The following SASH1 variants were observed in gnomAD, a reference collection of about 807,000 sequenced individuals.
SASH1 encodes the protein SAM and SH3 domain containing 1.
A neutral mutation model predicts 125.2 loss-of-function variants in SASH1; 44 were observed. The observed-to-expected ratio is 0.35, with a 90% confidence interval of 0.28 to 0.45. SASH1 has a LOEUF of 0.45. Among genes scored for constraint, SASH1 ranks in the 20% least tolerant of loss-of-function variants. The pLI, the probability that SASH1 is intolerant of heterozygous loss-of-function variation, is 1.00. For synonymous variants in SASH1, 639 were observed against 649.1 expected, an observed-to-expected ratio of 0.98 and a Z score of 0.24; for missense variants, 1,426 against 1,614.5, an observed-to-expected ratio of 0.88 and a Z score of 2.00.
chr6:148,278,097 G>T (rs956786205), intron 1 of SASH1, among the ~76,000 whole-genome samples: 4 of 151,204 alleles, frequency 2.6e-5, no homozygotes, highest in Non-Finnish European at 4.4e-5. Flanking sequence ...CTGGAGTGCA[G>T]TGCATGATCT....
intron 6 of SASH1, among the ~76,000 whole-genome samples, chr6:148,471,727 T>C (rs569148485): frequency 2.6e-5 from 4 of 152,340 alleles, no homozygotes; most frequent in African/African-American, 9.6e-5. Flanking sequence ...TCACAGTTCT[T>C]TCCTTTCATA....
rs538288137 is a variant in SASH1, at chr6:148,551,888, G to C, written c.*3330G>C. ...TGTTCTTGCAATTGCTTCAGCCCAA[G>C]AAAGCTGTGTATTGTTTTAAAAATT... On this transcript the variant is annotated 3_prime_UTR_variant, in exon 20 of 20. Transcript: ENST00000367467. 1 of 152,732 alleles carries C rather than the reference G, an allele frequency of 6.5e-6. No homozygotes were observed. The highest frequency in any genetic ancestry group is 1.9e-4 in the East Asian group (1 of 5,188). 9.5% of individuals were successfully genotyped at this position (152,732 alleles called of 1,614,324 possible).
At chr6:148,280,723 G>A (rs976168625) in intron 1 of SASH1, among the ~76,000 whole-genome samples, 2 of 152,056 alleles carry the variant, frequency 1.3e-5, no homozygotes, top group African/African-American at 4.8e-5. Flanking sequence ...CAGGAGATTC[G>A]CTTGAGCCTG....
intron 1 of SASH1, among the ~76,000 whole-genome samples, chr6:148,343,846 G>T (rs1302913813): frequency 6.6e-6 from 1 of 152,200 alleles, no homozygotes; most frequent in Non-Finnish European, 1.5e-5. Flanking sequence ...TCTGTATGGA[G>T]GGTGAAGTTT....
chr6:148,231,461 TCC>T, the SASH1 span, among the ~76,000 whole-genome samples: 3 of 152,126 alleles, frequency 2.0e-5, no homozygotes, highest in African/African-American at 7.2e-5. Context: ...CTAATCTGAG[TCC>T]ATTGTATTTT....
At position 148,535,055 on chromosome 6, in the gene SASH1, GGT is replaced by G. The variant is rs574230185; in HGVS notation, c.2095+157_2095+158del. ...GACAGTAAGTCCCTGTACGCACAGA[GGT>G]GTTCCCTGTGAGGTCTGCCACAGCA... On this transcript the variant is annotated intron_variant, in intron 16 of 19. Coordinates refer to ENST00000367467, the MANE Select transcript of SASH1 (RefSeq NM_015278.5). 4.2e-3 allele frequency among the ~76,000 whole-genome samples: 640 copies of G among 152,222 alleles called. 4 individuals carry two copies. Among genetic ancestry groups the G allele is most frequent in the African/African-American group, 0.015 (604 of 41,504 alleles).
intron 5 of SASH1, among the ~76,000 whole-genome samples, chr6:148,469,462 G>A (rs1777997967): frequency 2.6e-5 from 4 of 152,220 alleles, no homozygotes; most frequent in Admixed American, 2.0e-4. Context: ...AGCCTGTGCA[G>A]TGGCTCACTT....
intron 1 of SASH1, among the ~76,000 whole-genome samples, chr6:148,369,680 G>A (rs552546726): frequency 3.3e-5 from 5 of 152,158 alleles, no homozygotes; most frequent in East Asian, 1.9e-4. Flanking sequence ...CTGGCCGGAC[G>A]TGGTGACTCA....
chr6:148,315,868 C>T (rs891511007), intron 1 of SASH1, among the ~76,000 whole-genome samples: 1 of 152,190 alleles, frequency 6.6e-6, no homozygotes, highest in Non-Finnish European at 1.5e-5. Flanking sequence ...TTTGCCACTA[C>T]ACTCCAGCCT....
chr6:148,420,401 A>G (rs1053321984), intron 2 of SASH1, among the ~76,000 whole-genome samples: 4 of 152,152 alleles, frequency 2.6e-5, no homozygotes, highest in Non-Finnish European at 5.9e-5. Context: ...CACACTTGCA[A>G]CTCAGATATA....
chr6:148,356,494 C>CTTTTTTTTTTTTTTTTTTTTTT (rs57183555), intron 1 of SASH1, among the ~76,000 whole-genome samples: 2 of 116,284 alleles, frequency 1.7e-5, no homozygotes, highest in Non-Finnish European at 3.4e-5. Context: ...ACTTTTAGTT[C>CTTTTTTTTTTTTTTTTTTTTTT]TTTTTTTTTT....
rs1027509260 is a variant in SASH1 at position 148,514,325 on chromosome 6, C to T, written c.731C>T (p.Ser244Leu). 1 of 1,599,138 alleles carries T rather than the reference C, an allele frequency of 6.3e-7. No individual in the cohort carries two copies. Among genetic ancestry groups the T allele is most frequent in the Non-Finnish European group, 8.5e-7 (1 of 1,176,210 alleles). Residue 244 changes from serine to leucine, a missense_variant and splice_region_variant, in exon 9 of 20, where the codon TCA becomes TTA. This residue lies in a region of SASH1 where 567 missense variants were observed against 575.6 expected (regional missense o/e 0.99). Transcript: ENST00000367467. ...PTFDGSSNCNSREQSDDETEE... is the reference protein window; with the variant it reads ...PTFDGSSNCNLREQSDDETEE... ...CTTTTTCCTTTGTTTCTTTGCCAGT[C>T]AAGAGAACAATCGGATGATGAGACT...
At chr6:148,220,850 G>A in the SASH1 span, among the ~76,000 whole-genome samples, 1 of 152,168 alleles carries the variant, frequency 6.6e-6, no homozygotes, top group Admixed American at 6.5e-5. Flanking sequence ...GGAGGCAGAG[G>A]TTGCAGTGAG....
At chr6:148,368,762 ACG>A (rs781320365) in intron 1 of SASH1, among the ~76,000 whole-genome samples, 8 of 131,462 alleles carry the variant, frequency 6.1e-5, no homozygotes, top group African/African-American at 2.4e-4. Flanking sequence ...ATGCGCGCGC[ACG>A]CGCGCGCACA....
intron 2 of SASH1, among the ~76,000 whole-genome samples, chr6:148,409,700 C>A (rs1410632986): frequency 1.3e-5 from 2 of 152,168 alleles, no homozygotes; most frequent in Non-Finnish European, 2.9e-5. Flanking sequence ...TTCTGGGAGG[C>A]CTAGGTGGGC....
At chr6:148,292,732 G>A (rs760088121) in intron 1 of SASH1, among the ~76,000 whole-genome samples, 7 of 152,084 alleles carry the variant, frequency 4.6e-5, no homozygotes, top group Non-Finnish European at 1.0e-4. Context: ...TTGATCGTAG[G>A]TTCAATGCCA....
intron 16 of SASH1, among the ~76,000 whole-genome samples, chr6:148,537,776 CTGTGTGTGTGTGTGTGTGTGTGTG>C (rs55644027): frequency 0.021 from 2,675 of 125,704 alleles, 96 homozygotes; most frequent in African/African-American, 0.073. Context: ...TTAGCATATT[CTGTGTGTGTGTGTGTGTGTGTGTG>C]TGTGTGTGTG....
rs560255369 is a variant in SASH1 at position 148,457,183 on chromosome 6, G to A, written c.387-11362G>A. Among the ~76,000 whole-genome samples the A allele has an allele frequency of 1.3e-3, 104 of 77,674 alleles. 3 individuals are homozygous for A. In the Middle Eastern group the frequency reaches 0.048, roughly 36 times the overall value. 51.0% of individuals were successfully genotyped at this position (77,674 alleles called of 152,430 possible). On this transcript the variant is annotated intron_variant, in intron 4 of 19. Coordinates refer to ENST00000367467, the MANE Select transcript of SASH1 (RefSeq NM_015278.5). ...GCAGAATTTCAAGGCCCCCTCCCCC[G>A]CCCCTTTTTTTTACACCTTAATTTT...
chr6:148,522,531 A>T (rs568534431), intron 10 of SASH1, among the ~76,000 whole-genome samples: 1 of 152,310 alleles, frequency 6.6e-6, no homozygotes, highest in East Asian at 1.9e-4. Context: ...AATGCTTTGT[A>T]TCCACTGGAA....
Sources: allele counts gnomAD v4.1 joint callset (sites outside exome capture counted in the v4.1 genomes callset), GRCh38; gene constraint gnomAD v4.1.1; regional missense constraint gnomAD v4.1.1; transcripts MANE v1.5; gene names NCBI Gene and HGNC (gene_info 2026-07-23, HGNC 2026-07-21).